The following PCNX2 variants were observed in gnomAD, a reference collection of about 807,000 sequenced individuals.
PCNX2 encodes pecanex 2, also known as pecanex-like protein 2.
PCNX2 carries 168 observed loss-of-function variants against 223.8 expected under a neutral mutation model. That is an observed-to-expected ratio of 0.75 (90% CI 0.66 to 0.85). The LOEUF (loss-of-function observed/expected upper bound fraction) is 0.85. Among genes scored for constraint, PCNX2 ranks in the 40% least tolerant of loss-of-function variants. The pLI is 0.00. For missense variants in PCNX2, 2,507 were observed against 2,675.5 expected, an observed-to-expected ratio of 0.94 and a Z score of 1.39; for synonymous variants, 1,006 against 1,052.6, an observed-to-expected ratio of 0.96 and a Z score of 0.86.
intron 25 of PCNX2, chr1:233,032,195 C>T (rs558499631): frequency 3.6e-5 from 16 of 446,736 alleles, no homozygotes; most frequent in African/African-American, 6.4e-5. Context: ...CTCCGCCTCC[C>T]GGGTTCAAGC....
chr1:233,008,979 G>A (rs543913209), intron 28 of PCNX2, among the ~76,000 whole-genome samples: 9 of 152,200 alleles, frequency 5.9e-5, no homozygotes, highest in East Asian at 1.9e-4. Flanking sequence ...AGTGTGGTGC[G>A]TTCCTGCACA....
At chr1:233,117,595 C>T (rs554301141) in intron 21 of PCNX2, among the ~76,000 whole-genome samples, 3 of 129,518 alleles carry the variant, frequency 2.3e-5, no homozygotes, top group Non-Finnish European at 4.9e-5. Context: ...AGTGAGACTC[C>T]GTCTAAAGAA....
intron 25 of PCNX2, chr1:233,047,202 G>A (rs1671852613): frequency 4.4e-6 from 1 of 229,676 alleles, no homozygotes; most frequent in Non-Finnish European, 7.2e-6. Flanking sequence ...ATGCAACAGT[G>A]GGAAATAATA....
chr1:233,174,879 T>C (rs12036954), intron 17 of PCNX2, among the ~76,000 whole-genome samples: 11,938 of 152,210 alleles, frequency 0.078, 681 homozygotes, highest in East Asian at 0.31. Flanking sequence ...CATATGCAAA[T>C]GTATAGGCCC....
rs761767622 is a variant in PCNX2, at chr1:233,000,460, C to A, written c.5173G>T (p.Val1725Leu). ...YEAIQSFEKK[V>L]VICHEGDPAW... ...GGGTCGCCCTCGTGGCAGATGACCA[C>A]CTTCTTCTCGAAGGACTGGATGGCC... The change falls in exon 30 of 34, where the codon GTG becomes TTG. Residue 1725 changes from valine (V) to leucine (L), a missense_variant. Val to Leu is a conservative substitution (Grantham distance 32). Around this residue, in one of 3 missense-constraint regions of PCNX2, gnomAD observed 1,372 missense variants for 1,509.4 expected, o/e 0.91. Transcript: ENST00000258229. The surrounding 1 kb of genome is among the most constrained non-coding windows in gnomAD (Gnocchi z 4.6). 4.4e-5 allele frequency: 70 copies of A among 1,596,900 alleles called. 1 individual carries two copies. The South Asian group carries it at 5.3e-4, about 12-fold the overall frequency.
chr1:233,289,408 C>T (rs1372858193), intron 1 of PCNX2: 30 of 1,416,056 alleles, frequency 2.1e-5, no homozygotes, highest in East Asian at 6.8e-5. Flanking sequence ...TCCGGCTTCT[C>T]GCCATTAGGC....
At chr1:233,273,781 G>A (rs998717751) in intron 1 of PCNX2, among the ~76,000 whole-genome samples, 8 of 151,876 alleles carry the variant, frequency 5.3e-5, no homozygotes, top group Non-Finnish European at 7.4e-5. Context: ...CTGCCACTAC[G>A]CCCAGCTAAT....
intron 21 of PCNX2, among the ~76,000 whole-genome samples, chr1:233,113,144 G>A (rs575111809): frequency 6.6e-6 from 1 of 152,272 alleles, no homozygotes; most frequent in South Asian, 2.1e-4. Flanking sequence ...TCATCACCAG[G>A]GTAGATTTAC....
Position 233,128,178 on chromosome 1 carries a change from G to A in PCNX2, c.3837+6835C>T, listed in dbSNP as rs1056421283. 2.0e-5 allele frequency among the ~76,000 whole-genome samples: 3 copies of A among 152,142 alleles called. No individual in the cohort carries two copies. In the East Asian group the frequency reaches 5.8e-4, roughly 29 times the overall value. ...ATCTCCTAAGTGGCAAAAGTGTTAT[G>A]TCCCATGTTGAACTAATGGCCTGTA... On this transcript the variant is annotated intron_variant, in intron 21 of 33. Coordinates refer to ENST00000258229, the MANE Select transcript of PCNX2 (RefSeq NM_014801.4).
chr1:233,299,662 C>T (rs1200313130), upstream of PCNX2, among the ~76,000 whole-genome samples: 6 of 152,188 alleles, frequency 3.9e-5, no homozygotes, highest in Admixed American at 6.5e-5. Context: ...ACAGGTGGTA[C>T]GACAGAAAGG....
chr1:233,070,674 T>TAAA (rs61493841), intron 23 of PCNX2, among the ~76,000 whole-genome samples: 1 of 146,550 alleles, frequency 6.8e-6, no homozygotes, highest in African/African-American at 2.5e-5. Flanking sequence ...ATTCATGATT[T>TAAA]AAAAAAAAAA....
At chr1:233,292,413 T>C (rs1175412834) in intron 1 of PCNX2, among the ~76,000 whole-genome samples, 1 of 152,114 alleles carries the variant, frequency 6.6e-6, no homozygotes, top group Non-Finnish European at 1.5e-5. Context: ...TTCACTATGT[T>C]AGCCAAGCTG....
At chr1:233,199,615 G>A (rs941868914) in intron 14 of PCNX2, among the ~76,000 whole-genome samples, 7 of 152,072 alleles carry the variant, frequency 4.6e-5, no homozygotes, top group Middle Eastern at 3.2e-3. Flanking sequence ...TTTATGTCAC[G>A]TCGTGAGATT....
rs551213337 is a variant in PCNX2, at chr1:233,020,782, G to A, written c.4606-3628C>T. Among the ~76,000 whole-genome samples the A allele has an allele frequency of 2.0e-5, 3 of 152,278 alleles. No homozygotes were observed. The East Asian group carries it at 5.8e-4, about 29-fold the overall frequency. On this transcript the variant is annotated intron_variant, in intron 26 of 33. Transcript: ENST00000258229. ...CTGAAGAGAGATGGAGGAGACACGA[G>A]GGAAAACCTCAAGTCGCCAGGAAGG...
At chr1:233,132,096 C>T (rs946716895) in intron 21 of PCNX2, among the ~76,000 whole-genome samples, 21 of 152,136 alleles carry the variant, frequency 1.4e-4, no homozygotes, top group African/African-American at 4.8e-4. Context: ...GCCACCACGC[C>T]CGGCTAAATT....
chr1:233,004,903 C>A (rs1165032171), intron 28 of PCNX2, among the ~76,000 whole-genome samples: 2 of 152,114 alleles, frequency 1.3e-5, no homozygotes, highest in Non-Finnish European at 2.9e-5. Flanking sequence ...CCTAGAGGAG[C>A]CTGGAATCTT....
intron 23 of PCNX2, among the ~76,000 whole-genome samples, chr1:233,089,159 A>G (rs1237788720): frequency 3.3e-5 from 5 of 151,670 alleles, no homozygotes; most frequent in African/African-American, 1.2e-4. Flanking sequence ...ACATTGTAAA[A>G]TGCTGGCACT....
intron 9 of PCNX2, among the ~76,000 whole-genome samples, chr1:233,235,957 A>AAAAAAAATATATATATATATATATAT (rs369886650): frequency 2.1e-5 from 2 of 93,110 alleles, no homozygotes; most frequent in African/African-American, 3.9e-5. Flanking sequence ...CATAAAAAAA[A>AAAAAAAATATATATATATATATATAT]ATATATATAT....
rs1028836417 is a variant in PCNX2, at chr1:232,991,963, G to A, written c.5792-5423C>T. On this transcript the variant is annotated intron_variant, in intron 32 of 33. Transcript: ENST00000258229. The surrounding 1 kb of genome is among the most constrained non-coding windows in gnomAD (Gnocchi z 4.3). ...CCATCATTCAACAGAAGAACAACGT[G>A]AACTGATTTAAGTTTAAATAAAATC... Among the ~76,000 whole-genome samples the A allele has an allele frequency of 2.0e-5, 3 of 152,172 alleles. No homozygotes were observed. The highest frequency in any genetic ancestry group is 7.2e-5 in the African/African-American group (3 of 41,436).
Sources: gnomAD v4.1 joint callset for allele counts (sites outside exome capture counted in the v4.1 genomes callset) on GRCh38, gnomAD v4.1.1 for gene constraint, gnomAD v4.1.1 regional missense constraint, Gnocchi (gnomAD v3.1) non-coding constraint, MANE v1.5 for transcripts, NCBI Gene and HGNC (gene_info 2026-07-23, HGNC 2026-07-21) for gene names.